The following PCDHGA9 variants were observed in gnomAD, a reference collection of about 807,000 sequenced individuals.
The protein encoded by PCDHGA9 is protocadherin gamma-A9.
PCDHGA9 carries 37 observed loss-of-function variants against 62.5 expected under a neutral mutation model. The ratio of observed to expected loss-of-function variants is 0.59; its 90% CI spans 0.46 to 0.78. PCDHGA9 has a LOEUF of 0.78. PCDHGA9 is among the 30% of genes least tolerant of loss of function. The probability of loss-of-function intolerance (pLI) is 0.00; values close to 1 mark genes in which losing one functional copy is unlikely to be tolerated. For missense variants in PCDHGA9, 1,138 were observed against 1,166.2 expected (o/e 0.98, Z 0.35); for synonymous variants, 459 against 484.6 (o/e 0.95, Z 0.69).
chr5:141,485,358 G>A lies in PCDHGA9; in HGVS notation c.2425-9449G>A, dbSNP rs372994272. The A allele has an allele frequency of 1.2e-6, 2 of 1,614,100 alleles. No homozygotes were observed. Among genetic ancestry groups the A allele is most frequent in the Admixed American group, 3.3e-5 (2 of 60,002 alleles). ...CTGGATACGGACAGTCTGTCAGCTC[G>A]CAGGCTGCAGGTCGCTGGAGAGGTG... is the stretch of plus-strand genomic sequence containing the variant. On this transcript the variant is annotated intron_variant, in intron 1 of 3. Transcript: ENST00000573521. This position sits in a 1 kb window ranked among gnomAD's most constrained non-coding sequence, Gnocchi z 5.7.
rs561817609 is a variant in PCDHGA9, at chr5:141,496,904, G to A, written c.2483+2039G>A. Among the ~76,000 whole-genome samples, 12 of 137,476 alleles carry A rather than the reference G, an allele frequency of 8.7e-5. 1 individual carries two copies. The South Asian group carries it at 2.0e-3, about 23-fold the overall frequency. The allele number at this position is 137,476 out of a possible 152,430, so 90.2% of individuals were successfully genotyped here. On this transcript the variant is annotated intron_variant, in intron 2 of 3. Transcript: ENST00000573521. ...AGTAACACTTAAAAAAAAAAAAAAA[G>A]GCTGGGCACTGTGGTTCACGCCTGT...
In PCDHGA9 at chr5:141,485,340, C is replaced by T. The variant is rs139641513; in HGVS notation, c.2425-9467C>T. ...GTCGCTCAAGATTTCCTGCTGGATA[C>T]GGACAGTCTGTCAGCTCGCAGGCTG... is the stretch of plus-strand genomic sequence containing the variant. On this transcript the variant is annotated intron_variant, in intron 1 of 3. Coordinates refer to ENST00000573521, the MANE Select transcript of PCDHGA9 (RefSeq NM_018921.3). This position sits in a 1 kb window ranked among gnomAD's most constrained non-coding sequence, Gnocchi z 5.7. 1.2e-6 allele frequency: 2 copies of T among 1,613,958 alleles called. No individual in the cohort carries two copies. Among genetic ancestry groups the T allele is most frequent in the East Asian group, 2.2e-5 (1 of 44,884 alleles).
chr5:141,458,888 T>C (rs756640295), intron 1 of PCDHGA9, among the ~76,000 whole-genome samples: 3 of 152,118 alleles, frequency 2.0e-5, no homozygotes, highest in Non-Finnish European at 2.9e-5. Flanking sequence ...ATGCACACCA[T>C]GCGCAGCTAA....
intron 1 of PCDHGA9, among the ~76,000 whole-genome samples, chr5:141,449,440 C>T (rs2098639026): frequency 6.6e-6 from 1 of 151,742 alleles, no homozygotes; most frequent in Admixed American, 6.6e-5. Flanking sequence ...AACTCCATCT[C>T]TACTAAAAAT....
In PCDHGA9 at chr5:141,477,602, C is replaced by G. The variant is rs772296229; in HGVS notation, c.2425-17205C>G. ...GCAGAATGCTCGGCTTTCTTTCTTT[C>G]TCTTGGAGCAAGGAGCTGAAACCGG... On this transcript the variant is annotated intron_variant, in intron 1 of 3. Coordinates refer to ENST00000573521, the MANE Select transcript of PCDHGA9 (RefSeq NM_018921.3). This position sits in a 1 kb window ranked among gnomAD's most constrained non-coding sequence, Gnocchi z 4.9. 6.2e-7 allele frequency: 1 copy of G among 1,614,098 alleles called. No homozygotes were observed. Among genetic ancestry groups the G allele is most frequent in the East Asian group, 2.2e-5 (1 of 44,898 alleles).
intron 1 of PCDHGA9, among the ~76,000 whole-genome samples, chr5:141,439,635 C>T (rs1326926948): frequency 3.3e-5 from 5 of 152,274 alleles, no homozygotes; most frequent in Middle Eastern, 3.4e-3. Context: ...CCAGACATTC[C>T]GGCTTGGTGG....
chr5:141,511,695 C>T lies in PCDHGA9; in HGVS notation c.*522C>T, dbSNP rs1009832192. 1 of 195,662 alleles carries T rather than the reference C, an allele frequency of 5.1e-6. No individual in the cohort carries two copies. Among genetic ancestry groups the T allele is most frequent in the Non-Finnish European group, 1.1e-5 (1 of 92,626 alleles). The allele number at this position is 195,662 out of a possible 1,614,324, so 12.1% of individuals were successfully genotyped here. On this transcript the variant is annotated 3_prime_UTR_variant, in exon 4 of 4. Coordinates refer to ENST00000573521, the MANE Select transcript of PCDHGA9 (RefSeq NM_018921.3). ...CTTCCCCCAAAGCATGGTTTGGTGC[C>T]AGCCCCTTCACCTCCTTCCAGAGCC...
At chr5:141,458,594 G>T (rs1226490392) in intron 1 of PCDHGA9, among the ~76,000 whole-genome samples, 1 of 151,612 alleles carries the variant, frequency 6.6e-6, no homozygotes, top group Non-Finnish European at 1.5e-5. Context: ...TTTTGGAGAC[G>T]AGTCTCACTC....
chr5:141,455,364 G>C (rs2098820282), intron 1 of PCDHGA9, among the ~76,000 whole-genome samples: 1 of 152,252 alleles, frequency 6.6e-6, no homozygotes, highest in South Asian at 2.1e-4. Flanking sequence ...TAGGCAAGAA[G>C]GAAGGGAGAA....
Position 141,503,868 on chromosome 5 carries a change from G to A in PCDHGA9, c.2484-1525G>A, listed in dbSNP as rs928240898. Among the ~76,000 whole-genome samples, 24 of 152,202 alleles carry A rather than the reference G, an allele frequency of 1.6e-4. No individual in the cohort carries two copies. The South Asian group carries it at 4.1e-3, about 26-fold the overall frequency. ...TTGGAAAAATTGTAAAGCAGTTCTT[G>A]GTTGTGCTCACCCACCATGACAAAA... On this transcript the variant is annotated intron_variant, in intron 2 of 3. Coordinates refer to ENST00000573521, the MANE Select transcript of PCDHGA9 (RefSeq NM_018921.3).
chr5:141,408,922 G>C, intron 1 of PCDHGA9: 1 of 1,613,222 alleles, frequency 6.2e-7, no homozygotes. Context: ...ATAACCCCCC[G>C]GTTTTCAGCA....
Position 141,432,972 on chromosome 5 carries a change from C to T in PCDHGA9, c.2424+27596C>T. 1 of 1,614,218 alleles carries T rather than the reference C, an allele frequency of 6.2e-7. No homozygotes were observed. Among genetic ancestry groups the T allele is most frequent in the African/African-American group, 1.3e-5 (1 of 75,058 alleles). ...GGCGGCTTGACAGGAGCGCCGGCGT[C>T]GCACTTTGTGGGCGTGGACGGGGTG... On this transcript the variant is annotated intron_variant, in intron 1 of 3. Coordinates refer to ENST00000573521, the MANE Select transcript of PCDHGA9 (RefSeq NM_018921.3). This position sits in a 1 kb window ranked among gnomAD's most constrained non-coding sequence, Gnocchi z 6.0.
intron 1 of PCDHGA9, chr5:141,409,394 T>C: frequency 1.9e-6 from 3 of 1,614,008 alleles, no homozygotes; most frequent in Non-Finnish European, 2.5e-6. Flanking sequence ...TTATTCTTCT[T>C]CCAATAACTA....
At chr5:141,421,578 T>C in intron 1 of PCDHGA9, 4 of 1,613,886 alleles carry the variant, frequency 2.5e-6, no homozygotes, top group Non-Finnish European at 3.4e-6. Flanking sequence ...CCTTGAAGAT[T>C]TACGGAGTGG....
In PCDHGA9 at chr5:141,404,993, C is replaced by G. The variant is rs1159647700; in HGVS notation, c.2041C>G (p.Pro681Ala). Residue 681 changes from proline (P) to alanine (A), a missense_variant, in exon 1 of 4, where the codon CCT becomes GCT. Transcript: ENST00000573521. ...GGCTGACCTGGGCAGTCTTCAGATC[C>G]CTGCAGACCTGGAGGCCTCAGACCT... ...ILADLGSLQIPADLEASDLTL... is the reference protein window; with the variant it reads ...ILADLGSLQIAADLEASDLTL... 6.2e-7 allele frequency: 1 copy of G among 1,613,850 alleles called. No homozygotes were observed. The highest frequency in any genetic ancestry group is 8.5e-7 in the Non-Finnish European group (1 of 1,179,886).
At chr5:141,508,739 C>A (rs1344024245) in intron 3 of PCDHGA9, among the ~76,000 whole-genome samples, 1 of 152,156 alleles carries the variant, frequency 6.6e-6, no homozygotes, top group African/African-American at 2.4e-5. Context: ...ACACCCCCCA[C>A]CCCGCTCTTT....
intron 1 of PCDHGA9, chr5:141,426,993 G>A (rs1331210977): frequency 1.1e-5 from 5 of 456,742 alleles, no homozygotes; most frequent in Middle Eastern, 3.3e-4. Context: ...CAACGATAAT[G>A]CCCCAGTTTT....
chr5:141,489,962 C>A lies in PCDHGA9; in HGVS notation c.2425-4845C>A. The A allele has an allele frequency of 6.2e-7, 1 of 1,614,184 alleles. No individual in the cohort carries two copies. The highest frequency in any genetic ancestry group is 8.5e-7 in the Non-Finnish European group (1 of 1,180,008). ...CTGGACATCAATGATAATGCTCCAA[C>A]CTTCCAATCCTCAGTTCTACGTGTG... is the stretch of plus-strand genomic sequence containing the variant. On this transcript the variant is annotated intron_variant, in intron 1 of 3. Transcript: ENST00000573521. This position sits in a 1 kb window ranked among gnomAD's most constrained non-coding sequence, Gnocchi z 4.5.
intron 1 of PCDHGA9, chr5:141,421,791 TG>T (rs1561796446): frequency 6.2e-7 from 1 of 1,613,792 alleles, no homozygotes; most frequent in Non-Finnish European, 8.5e-7. Flanking sequence ...GCAGAACGGA[TG>T]GGGCCAAGAA....
Sources: gnomAD v4.1 joint callset for allele counts (sites outside exome capture counted in the v4.1 genomes callset) on GRCh38, gnomAD v4.1.1 for gene constraint, Gnocchi (gnomAD v3.1) non-coding constraint, MANE v1.5 for transcripts, NCBI Gene and HGNC (gene_info 2026-07-23, HGNC 2026-07-21) for gene names.